Variants in NEB observed in about 807,000 individuals in gnomAD.
NEB encodes nemaline myopathy type 2.
Under a neutral mutation model 952.2 loss-of-function variants are expected in NEB, and 512 were observed. That is an observed-to-expected ratio of 0.54 (90% confidence interval 0.50 to 0.58). The LOEUF (loss-of-function observed/expected upper bound fraction) is 0.58, where lower values mean the gene tolerates loss of function less well. NEB is among the 20% of genes least tolerant of loss of function. NEB has a pLI of 0.00. For missense variants in NEB, 8,428 were observed against 9,231.1 expected (o/e 0.91, Z 3.56); for synonymous variants, 2,900 against 3,149.8 (o/e 0.92, Z 2.66).
In NEB at chr2:151,503,174, A is replaced by G; in HGVS notation, c.23835+175T>C. On this transcript the variant is annotated intron_variant, in intron 166 of 181. Coordinates refer to ENST00000397345, the MANE Select transcript of NEB (RefSeq NM_001164508.2). ...GTCAAGTCACTGAAAATGTTCAAGT[A>G]TAATCGGAAATGTGAGTCATTTTGT... 3 of 606,172 alleles carry G rather than the reference A, an allele frequency of 4.9e-6. No individual in the cohort carries two copies. In the South Asian group the frequency reaches 6.4e-5, roughly 13 times the overall value. The allele number at this position is 606,172 out of a possible 1,614,324, so 37.5% of individuals were successfully genotyped here.
intron 159 of NEB, 65 bp from the exon 160 acceptor site, chr2:151,513,758 G>A (rs983302340): frequency 1.6e-5 from 18 of 1,124,804 alleles, no homozygotes; most frequent in Middle Eastern, 1.9e-4. Context: ...TAAACATACA[G>A]GGTGAATGTA....
At chr2:151,656,684 C>T (rs1575310885) in intron 48 of NEB, among the ~76,000 whole-genome samples, 1 of 151,994 alleles carries the variant, frequency 6.6e-6, no homozygotes, top group Non-Finnish European at 1.5e-5. Context: ...TTACTCTCCT[C>T]ATTTTATAGA....
At chr2:151,569,979 T>C (rs553630698) in intron 109 of NEB, 102 bp downstream of exon 109, 35 of 1,171,154 alleles carry the variant, frequency 3.0e-5, no homozygotes, top group Non-Finnish European at 3.7e-5. Context: ...TTCTTGGTGA[T>C]ATGAAGTCGT....
chr2:151,638,474 T>TG (rs1250638149), intron 63 of NEB, among the ~76,000 whole-genome samples: 2 of 152,218 alleles, frequency 1.3e-5, no homozygotes, highest in African/African-American at 4.8e-5. Context: ...TCTCCATCTC[T>TG]GGGGGTTGGC....
intron 72 of NEB, among the ~76,000 whole-genome samples, chr2:151,620,705 G>T (rs1173876428): frequency 6.6e-6 from 1 of 152,096 alleles, no homozygotes; most frequent in Non-Finnish European, 1.5e-5. Flanking sequence ...ATTGAGCAAA[G>T]ATCAAAAATA....
At position 151,662,633 on chromosome 2, in the gene NEB, TACC is replaced by T. The variant is rs1346562683; in HGVS notation, c.5764-295_5764-293del. Among the ~76,000 whole-genome samples, 4 of 152,202 alleles carry T rather than the reference TACC, an allele frequency of 2.6e-5. No homozygotes were observed. The East Asian group carries it at 7.7e-4, about 29-fold the overall frequency. ...TTCATAAAGAAAAAGTACTAAGAAA[TACC>T]ACATAGATTCATCTCCCAGGTGACT... On this transcript the variant is annotated intron_variant, in intron 45 of 181. Transcript: ENST00000397345.
chr2:151,506,881 T>G, intron 163 of NEB, 28 bp downstream of exon 163: 1 of 1,440,124 alleles, frequency 6.9e-7, no homozygotes, highest in Admixed American at 1.7e-5. Context: ...TAGGTTAGCA[T>G]TAAATGCAAA....
chr2:151,544,942 A>G (rs1477169875), intron 135 of NEB, among the ~76,000 whole-genome samples: 1 of 152,262 alleles, frequency 6.6e-6, no homozygotes, highest in Non-Finnish European at 1.5e-5. Context: ...AAGAAGAGCA[A>G]CCATTTACAC....
intron 156 of NEB, among the ~76,000 whole-genome samples, chr2:151,516,845 C>T (rs1438201268): frequency 1.3e-5 from 2 of 152,124 alleles, no homozygotes; most frequent in Non-Finnish European, 2.9e-5. Context: ...AATGCTGATG[C>T]AAGAAAACGC....
chr2:151,511,056 C>G (rs943764990), intron 161 of NEB, among the ~76,000 whole-genome samples: 2 of 152,190 alleles, frequency 1.3e-5, no homozygotes, highest in Admixed American at 6.5e-5. Flanking sequence ...CCAAAGAGAG[C>G]CCCAGGAGAG....
chr2:151,526,915 T>C lies in NEB; in HGVS notation c.21945+3A>G. The C allele has an allele frequency of 6.3e-7, 1 of 1,575,092 alleles. No individual in the cohort carries two copies. The highest frequency in any genetic ancestry group is 1.2e-5 in the South Asian group (1 of 86,576). On this transcript the variant is annotated splice_donor_region_variant and intron_variant, in intron 148 of 181. Coordinates refer to ENST00000397345, the MANE Select transcript of NEB (RefSeq NM_001164508.2). ...GGCATCATGGAAGGAACTAGGTACT[T>C]ACATCACTTTCTATTAAAGTATTCC...
rs2070622543 is a variant in NEB at position 151,507,903 on chromosome 2, G to A, written c.23451+102C>T. ...CTGGGGCAGGATGGGAGTTGTGGAG[G>A]GCTGCACAACAGCCCCACTGCAAGC... is the stretch of plus-strand genomic sequence containing the variant. On this transcript the variant is annotated intron_variant, in intron 162 of 181. Transcript: ENST00000397345. 1.0e-5 allele frequency: 8 copies of A among 771,020 alleles called. No individual in the cohort carries two copies. In the East Asian group the frequency reaches 1.9e-4, roughly 18 times the overall value. The allele number at this position is 771,020 out of a possible 1,614,324, so 47.8% of individuals were successfully genotyped here.
intron 124 of NEB, among the ~76,000 whole-genome samples, chr2:151,556,079 T>C (rs2095633569): frequency 6.6e-6 from 1 of 152,196 alleles, no homozygotes; most frequent in African/African-American, 2.4e-5. Context: ...TCTTCCAAAA[T>C]GAAAAGTTTG....
intron 32 of NEB, among the ~76,000 whole-genome samples, chr2:151,678,457 A>G (rs1411040283): frequency 6.6e-6 from 1 of 152,226 alleles, no homozygotes; most frequent in Non-Finnish European, 1.5e-5. Context: ...ATCAGTGACA[A>G]AACAGATCTT....
At chr2:151,499,080 GAATAT>G (rs1324981240) in intron 169 of NEB, among the ~76,000 whole-genome samples, 1 of 152,130 alleles carries the variant, frequency 6.6e-6, no homozygotes. Flanking sequence ...GTAAAAGCAG[GAATAT>G]AATACTGAAC....
rs978486304 is a variant in NEB, at chr2:151,562,462, C to T, written c.18891+149G>A. 3.8e-5 allele frequency: 30 copies of T among 783,998 alleles called. 1 individual carries two copies. The African/African-American group carries it at 5.2e-4, about 14-fold the overall frequency. 48.6% of individuals were successfully genotyped at this position (783,998 alleles called of 1,614,324 possible). On this transcript the variant is annotated intron_variant, in intron 120 of 181. Coordinates refer to ENST00000397345, the MANE Select transcript of NEB (RefSeq NM_001164508.2). ...CTATGGCTTAGGGTGGATTCTTATA[C>T]CAAAAAGTGGCTCATGCCACTTTGT...
rs2098508840 is a variant in NEB at position 151,625,690 on chromosome 2, G to A, written c.10348-52C>T. The A allele has an allele frequency of 3.4e-5, 45 of 1,306,670 alleles. No homozygotes were observed. In the South Asian group the frequency reaches 7.0e-4, roughly 20 times the overall value. 80.9% of individuals were successfully genotyped at this position (1,306,670 alleles called of 1,614,324 possible). On this transcript the variant is annotated intron_variant, in intron 70 of 181. Coordinates refer to ENST00000397345, the MANE Select transcript of NEB (RefSeq NM_001164508.2). ...TTAGAAAAACAGTTTGTTGTAAACAGGAGTTTTCAATTAAGACACCATGAC... is the reference window on the plus strand; with the variant it reads ...TTAGAAAAACAGTTTGTTGTAAACAAGAGTTTTCAATTAAGACACCATGAC...
chr2:151,635,402 C>T (rs142883671), intron 64 of NEB, among the ~76,000 whole-genome samples: 10 of 152,154 alleles, frequency 6.6e-5, no homozygotes, highest in African/African-American at 1.4e-4. Context: ...CTCTGGGAGA[C>T]GTGCTAAATG....
chr2:151,693,497 G>A (rs2099574098), intron 20 of NEB, among the ~76,000 whole-genome samples: 1 of 144,460 alleles, frequency 6.9e-6, no homozygotes, highest in Admixed American at 7.4e-5. Flanking sequence ...ACTCCCACTT[G>A]TAAGTAAGAA....
Sources: allele counts gnomAD v4.1 joint callset (sites outside exome capture counted in the v4.1 genomes callset), GRCh38; gene constraint gnomAD v4.1.1; transcripts MANE v1.5; gene names NCBI Gene and HGNC (gene_info 2026-07-23, HGNC 2026-07-21).